The following TENT2 variants were observed in gnomAD, a reference collection of about 807,000 sequenced individuals.
TENT2 encodes the protein terminal nucleotidyltransferase 2, also known as poly(A) RNA polymerase GLD2.
In TENT2, 44 loss-of-function variants were observed where a neutral mutation model predicts 72.2. The observed-to-expected ratio is 0.61, with a 90% CI of 0.48 to 0.78. The LOEUF (loss-of-function observed/expected upper bound fraction) is 0.78, where lower values mean the gene tolerates loss of function less well. TENT2 is among the 30% of genes least tolerant of loss of function. The probability of loss-of-function intolerance (pLI) is 0.00; values close to 1 mark genes in which losing one functional copy is unlikely to be tolerated. For synonymous variants in TENT2, 212 were observed against 192.5 expected, an observed-to-expected ratio of 1.10 and a Z score of -0.84; for missense variants, 541 against 569.6, an observed-to-expected ratio of 0.95 and a Z score of 0.51.
intron 4 of TENT2, among the ~76,000 whole-genome samples, chr5:79,628,528 G>C (rs77571339): frequency 6.6e-6 from 1 of 152,176 alleles, no homozygotes; most frequent in Non-Finnish European, 1.5e-5. Flanking sequence ...TAGTGAAAAA[G>C]ATGTGGGAGA....
At chr5:79,674,550 G>T (rs1344437905) in intron 12 of TENT2, among the ~76,000 whole-genome samples, 1 of 152,158 alleles carries the variant, frequency 6.6e-6, no homozygotes, top group Non-Finnish European at 1.5e-5. Flanking sequence ...TCTAATTGCT[G>T]TTGGTGTTAT....
rs1379534512 is a variant in TENT2 at position 79,620,334 on chromosome 5, C to G, written c.227+251C>G. Among the ~76,000 whole-genome samples, 3 of 152,102 alleles carry G rather than the reference C, an allele frequency of 2.0e-5. No individual in the cohort carries two copies. In the East Asian group the frequency reaches 5.8e-4, roughly 29 times the overall value. ...CATCAGATCTCCCCTTTTCTATATC[C>G]CAGGTTTTCTTTTTCTAGAATAAAG... is the stretch of plus-strand genomic sequence containing the variant. On this transcript the variant is annotated intron_variant, in intron 3 of 14. Coordinates refer to ENST00000453514, the MANE Select transcript of TENT2 (RefSeq NM_001114394.3).
intron 14 of TENT2, among the ~76,000 whole-genome samples, chr5:79,683,740 C>T (rs942171045): frequency 3.3e-5 from 5 of 150,424 alleles, no homozygotes; most frequent in Non-Finnish European, 7.4e-5. Context: ...ACGGTGAAAC[C>T]CCGTTTCTAC....
chr5:79,646,027 G>A (rs1050157832), intron 8 of TENT2, among the ~76,000 whole-genome samples: 1 of 152,174 alleles, frequency 6.6e-6, no homozygotes, highest in Non-Finnish European at 1.5e-5. Flanking sequence ...TTCCAGCTGA[G>A]ATAGAATTAG....
rs554690367 is a variant in TENT2, at chr5:79,619,811, T to C, written c.137+26T>C. ...GTGAGTATGGTGATATTTTGGCCCA[T>C]GTTGTTGGTAAATTTCATTTTCTAT... On this transcript the variant is annotated intron_variant, in intron 2 of 14. Coordinates refer to ENST00000453514, the MANE Select transcript of TENT2 (RefSeq NM_001114394.3). 21 of 1,593,898 alleles carry C rather than the reference T, an allele frequency of 1.3e-5. No homozygotes were observed. The East Asian group carries it at 4.7e-4, about 36-fold the overall frequency.
At chr5:79,664,401 C>T (rs1001314106) in intron 11 of TENT2, among the ~76,000 whole-genome samples, 1 of 151,990 alleles carries the variant, frequency 6.6e-6, no homozygotes, top group Non-Finnish European at 1.5e-5. Context: ...TCGAGATCAT[C>T]CTGGCCAACA....
At chr5:79,636,743 CTTTA>C (rs1219221915) in intron 4 of TENT2, among the ~76,000 whole-genome samples, 1 of 152,098 alleles carries the variant, frequency 6.6e-6, no homozygotes, top group Non-Finnish European at 1.5e-5. Flanking sequence ...GTATCTCTCC[CTTTA>C]TTTAGGTCTT....
rs748917328 is a variant in TENT2, at chr5:79,682,026, C to T, written c.1345C>T (p.Gln449Ter). 5 of 1,613,460 alleles carry T rather than the reference C, an allele frequency of 3.1e-6. No homozygotes were observed. The highest frequency in any genetic ancestry group is 4.2e-6 in the Non-Finnish European group (5 of 1,179,678). The part of the protein sequence containing the change: ...TNTARAVHEK[Q>*]KFDMIKDQFL... ...TACAGCCAGAGCAGTGCACGAAAAG[C>T]AGAAATTTGATATGATCAAGGATCA... The change falls in exon 14 of 15, where the codon CAG becomes TAG. Residue 449 changes from glutamine (Q) to a stop codon, truncating the protein, a stop_gained. Transcript: ENST00000453514. LOFTEE classifies it high-confidence loss of function.
At chr5:79,640,238 A>C (rs1783357305) in intron 4 of TENT2, among the ~76,000 whole-genome samples, 1 of 148,394 alleles carries the variant, frequency 6.7e-6, no homozygotes, top group Admixed American at 6.7e-5. Context: ...CCTAGGTGAC[A>C]GAGTAAGACT....
At chr5:79,627,019 A>G (rs1770723718) in intron 4 of TENT2, among the ~76,000 whole-genome samples, 1 of 151,810 alleles carries the variant, frequency 6.6e-6, no homozygotes, top group Admixed American at 6.6e-5. Flanking sequence ...AGTCCCAGCT[A>G]CTTGAGAGGC....
intron 11 of TENT2, among the ~76,000 whole-genome samples, chr5:79,660,837 T>C (rs754227344): frequency 6.6e-6 from 1 of 152,146 alleles, no homozygotes; most frequent in Non-Finnish European, 1.5e-5. Flanking sequence ...GACATTGTTA[T>C]ATGAAATGAC....
At position 79,649,179 on chromosome 5, in the gene TENT2, A is replaced by T. The variant is rs780284535; in HGVS notation, c.1016A>T (p.His339Leu). Residue 339 changes from histidine (H) to leucine (L), a missense_variant, in exon 10 of 15, where the codon CAC (histidine) becomes CTC (leucine). By Grantham distance (99) the His-to-Leu change is moderately conservative. Transcript: ENST00000453514. ...TATAGTCTTGTATTGATGGTTTTGCACTATTTACAAAGTAAGTATAATGGG... is the reference window on the plus strand; with the variant it reads ...TATAGTCTTGTATTGATGGTTTTGCTCTATTTACAAAGTAAGTATAATGGG... ...SSYSLVLMVL[H>L]YLQTLPEPIL... 7 of 1,612,814 alleles carry T rather than the reference A, an allele frequency of 4.3e-6. No homozygotes were observed. The Admixed American group carries it at 1.2e-4, about 27-fold the overall frequency.
chr5:79,685,428 A>T lies in TENT2; in HGVS notation c.*155A>T, dbSNP rs146287903. ...ACATATAAAGATTGCATATTTTATT[A>T]TGACATTTCCTAATAAACCCCTTTG... On this transcript the variant is annotated 3_prime_UTR_variant, in exon 15 of 15. Coordinates refer to ENST00000453514, the MANE Select transcript of TENT2 (RefSeq NM_001114394.3). The T allele has an allele frequency of 1.7e-3, 826 of 486,792 alleles. 3 individuals are homozygous for T. Among genetic ancestry groups the T allele is most frequent in the African/African-American group, 0.015 (743 of 49,456 alleles). 30.2% of individuals were successfully genotyped at this position (486,792 alleles called of 1,614,324 possible).
At chr5:79,669,892 A>G (rs929981612) in intron 12 of TENT2, among the ~76,000 whole-genome samples, 10 of 152,020 alleles carry the variant, frequency 6.6e-5, no homozygotes, top group Admixed American at 6.6e-4. Flanking sequence ...TGAAGCATAG[A>G]GAGAGGGGAA....
chr5:79,631,846 G>A (rs1775840421), intron 4 of TENT2, among the ~76,000 whole-genome samples: 1 of 152,164 alleles, frequency 6.6e-6, no homozygotes, highest in South Asian at 2.1e-4. Context: ...TGGAGTGATT[G>A]GCCTTAGGTA....
intron 3 of TENT2, among the ~76,000 whole-genome samples, chr5:79,622,070 G>T (rs904391364): frequency 2.0e-5 from 3 of 152,058 alleles, no homozygotes; most frequent in African/African-American, 7.2e-5. Flanking sequence ...GGAGGCTGAG[G>T]TGGGCAGGTC....
chr5:79,673,448 C>T (rs186636528), intron 12 of TENT2, among the ~76,000 whole-genome samples: 1 of 151,982 alleles, frequency 6.6e-6, no homozygotes, highest in East Asian at 1.9e-4. Context: ...ATTCTTCAAT[C>T]AATTTTGGTT....
intron 4 of TENT2, among the ~76,000 whole-genome samples, chr5:79,629,820 C>CT (rs2150145866): frequency 1.1e-5 from 1 of 90,234 alleles, no homozygotes. Context: ...GAGTGAGACT[C>CT]TGTCTCAAAA....
intron 10 of TENT2, among the ~76,000 whole-genome samples, chr5:79,653,260 G>A (rs1357394813): frequency 6.6e-6 from 1 of 152,140 alleles, no homozygotes; most frequent in African/African-American, 2.4e-5. Context: ...AGAGGTGGGA[G>A]GATTGCTTGA....
Sources: allele counts gnomAD v4.1 joint callset (sites outside exome capture counted in the v4.1 genomes callset), GRCh38; gene constraint gnomAD v4.1.1; transcripts MANE v1.5; gene names NCBI Gene and HGNC (gene_info 2026-07-23, HGNC 2026-07-21).